UBXN2A: variants seen among roughly 807,000 people sequenced by gnomAD.
The protein encoded by UBXN2A is UBX domain-containing protein 2A.
A neutral mutation model predicts 28.4 loss-of-function variants in UBXN2A; 28 were observed. The observed-to-expected ratio is 0.99, with a 90% confidence interval of 0.73 to 1.35. The LOEUF (loss-of-function observed/expected upper bound fraction) is 1.35, where lower values mean the gene tolerates loss of function less well. UBXN2A is among the 40% of genes most tolerant of loss of function. The pLI, the probability that UBXN2A is intolerant of heterozygous loss-of-function variation, is 0.00. For synonymous variants in UBXN2A, 97 were observed against 103.6 expected (o/e 0.94, Z 0.39); for missense variants, 253 against 297.9 (o/e 0.85, Z 1.11).
At chr2:23,931,285 G>C (rs559362042) in intron 1 of UBXN2A, among the ~76,000 whole-genome samples, 8 of 152,094 alleles carry the variant, frequency 5.3e-5, no homozygotes, top group Admixed American at 5.2e-4. Context: ...CATCTCTACT[G>C]AAAATACAAA....
chr2:23,963,576 A>G (rs909618039), intron 2 of UBXN2A, among the ~76,000 whole-genome samples: 2 of 152,122 alleles, frequency 1.3e-5, no homozygotes, highest in African/African-American at 2.4e-5. Context: ...ATCATCAGGG[A>G]AATGCAAATC....
chr2:23,985,601 A>AT (rs1708092950), intron 6 of UBXN2A, among the ~76,000 whole-genome samples: 1 of 81,858 alleles, frequency 1.2e-5, no homozygotes, highest in East Asian at 4.5e-4. Flanking sequence ...ATGTCTAGAC[A>AT]GTTTTTTTTT....
chr2:23,963,893 C>G (rs537311723), intron 2 of UBXN2A, among the ~76,000 whole-genome samples: 3 of 152,040 alleles, frequency 2.0e-5, no homozygotes, highest in Non-Finnish European at 4.4e-5. Context: ...TTTTGGGAAC[C>G]CAAGGCAGGA....
chr2:23,944,224 A>C (rs1450658807), intron 1 of UBXN2A: 1 of 1,586,738 alleles, frequency 6.3e-7, no homozygotes, highest in Non-Finnish European at 8.6e-7. Context: ...CTCATGTATC[A>C]TACCTGGAAT....
intron 1 of UBXN2A, among the ~76,000 whole-genome samples, chr2:23,933,066 C>G (rs547867719): frequency 1.3e-5 from 2 of 151,870 alleles, no homozygotes; most frequent in South Asian, 4.2e-4. Context: ...GATCGCACCA[C>G]TGCCCTTCAG....
At chr2:23,957,097 ATTGT>A (rs1706664822) in intron 1 of UBXN2A, among the ~76,000 whole-genome samples, 1 of 151,904 alleles carries the variant, frequency 6.6e-6, no homozygotes, top group Non-Finnish European at 1.5e-5. Context: ...TTTTTGTTGT[ATTGT>A]TTTTCTTATT....
At chr2:23,928,129 T>A (rs1447620161) in intron 1 of UBXN2A, among the ~76,000 whole-genome samples, 1 of 140,038 alleles carries the variant, frequency 7.1e-6, no homozygotes, top group Non-Finnish European at 1.5e-5. Flanking sequence ...TGAGCCGAAA[T>A]CACGCCACTG....
chr2:23,937,826 G>A (rs998795377), upstream of UBXN2A, among the ~76,000 whole-genome samples: 5 of 152,184 alleles, frequency 3.3e-5, no homozygotes, highest in Non-Finnish European at 7.3e-5. Flanking sequence ...TGAATTCGTC[G>A]TTGTGTGAAC....
chr2:23,969,802 A>G (rs912192842), intron 2 of UBXN2A, among the ~76,000 whole-genome samples: 1 of 152,220 alleles, frequency 6.6e-6, no homozygotes, highest in Non-Finnish European at 1.5e-5. Context: ...CCTGGGTGAC[A>G]GAATGAGACT....
intron 1 of UBXN2A, chr2:23,944,483 T>C (rs1190750544): frequency 7.7e-6 from 5 of 650,462 alleles, no homozygotes; most frequent in Admixed American, 2.1e-5. Context: ...TCAGATCCCC[T>C]TGGAACAGTA....
intron 3 of UBXN2A, among the ~76,000 whole-genome samples, chr2:23,972,307 A>C (rs1366433752): frequency 6.6e-6 from 1 of 152,198 alleles, no homozygotes; most frequent in Non-Finnish European, 1.5e-5. Flanking sequence ...CAGTGCTGAC[A>C]TGATGCTCAA....
At chr2:23,944,449 A>G (rs1314733088) in intron 1 of UBXN2A, 1 of 794,038 alleles carries the variant, frequency 1.3e-6, no homozygotes, top group African/African-American at 1.7e-5. Context: ...AGTTCTCCTT[A>G]TTTGTTTAGA....
Position 23,977,157 on chromosome 2 carries a change from A to G in UBXN2A, c.287+82A>G, listed in dbSNP as rs144052150. 8.6e-5 allele frequency: 94 copies of G among 1,094,482 alleles called. No homozygotes were observed. In the African/African-American group the frequency reaches 1.4e-3, roughly 16 times the overall value. The allele number at this position is 1,094,482 out of a possible 1,614,324, so 67.8% of individuals were successfully genotyped here. ...GGCGAGAGGATTGCCTGAGCTCAGG[A>G]GTTCAAGGCCAGCCGGGGAACATAG... On this transcript the variant is annotated intron_variant, in intron 4 of 6. Coordinates refer to ENST00000309033, the MANE Select transcript of UBXN2A (RefSeq NM_181713.4).
intron 2 of UBXN2A, among the ~76,000 whole-genome samples, chr2:23,968,447 C>G (rs147850066): frequency 0.1 from 15,660 of 152,102 alleles, 928 homozygotes; most frequent in Middle Eastern, 0.17. Context: ...GAGGCTGAGG[C>G]AGGCGGATCA....
chr2:23,983,091 A>G (rs1230817203), intron 5 of UBXN2A, 58 bp downstream of exon 5: 5 of 1,459,242 alleles, frequency 3.4e-6, no homozygotes, highest in East Asian at 2.4e-5. Flanking sequence ...TATTCTGTCT[A>G]TCAGTATTTT....
rs1254818459 is a variant in UBXN2A, at chr2:23,999,964, CTT to C, written c.*100_*101del. ...GATTGGAGAAGTCAGACTCACTAGA[CTT>C]TTGGTTCGAGTACTATTGAACTCTC... On this transcript the variant is annotated 3_prime_UTR_variant, in exon 7 of 7. Coordinates refer to ENST00000309033, the MANE Select transcript of UBXN2A (RefSeq NM_181713.4). The C allele has an allele frequency of 3.9e-6, 5 of 1,289,010 alleles. No individual in the cohort carries two copies. The highest frequency in any genetic ancestry group is 2.6e-4 in the Middle Eastern group (1 of 3,828). The allele number at this position is 1,289,010 out of a possible 1,614,324, so 79.8% of individuals were successfully genotyped here.
At chr2:23,978,705 T>C (rs1707774989) in intron 4 of UBXN2A, among the ~76,000 whole-genome samples, 1 of 152,000 alleles carries the variant, frequency 6.6e-6, no homozygotes, top group Non-Finnish European at 1.5e-5. Flanking sequence ...GGCTTACGCC[T>C]GTAATCCCAG....
At chr2:23,928,351 G>A (rs1299528032) in intron 1 of UBXN2A, among the ~76,000 whole-genome samples, 3 of 152,244 alleles carry the variant, frequency 2.0e-5, no homozygotes, top group Admixed American at 1.3e-4. Context: ...CAAGGCGGGC[G>A]GATCACTTGA....
At chr2:23,938,183 C>T (rs551917025), upstream of UBXN2A, among the ~76,000 whole-genome samples, 24 of 152,070 alleles carry the variant, frequency 1.6e-4, no homozygotes, top group Admixed American at 1.1e-3. Context: ...ATCAATACTC[C>T]GGCTGGGTGT....
Sources: allele counts gnomAD v4.1 joint callset (sites outside exome capture counted in the v4.1 genomes callset), GRCh38; gene constraint gnomAD v4.1.1; transcripts MANE v1.5; gene names NCBI Gene and HGNC (gene_info 2026-07-23, HGNC 2026-07-21).